The following CCDC172 variants were observed in gnomAD, a reference collection of about 807,000 sequenced individuals.
CCDC172 encodes coiled-coil domain containing 172, also known as coiled-coil domain-containing protein 172.
In CCDC172, 30 loss-of-function variants were observed where a neutral mutation model predicts 38.0. The observed-to-expected ratio is 0.79, with a 90% CI of 0.59 to 1.07. The LOEUF (loss-of-function observed/expected upper bound fraction) is 1.07. Ranked by LOEUF, CCDC172 falls within the 50% of genes least tolerant of loss-of-function variation. The probability of loss-of-function intolerance (pLI) is 0.00; values close to 1 mark genes in which losing one functional copy is unlikely to be tolerated. For synonymous variants in CCDC172, 78 were observed against 88.3 expected, an observed-to-expected ratio of 0.88 and a Z score of 0.66; for missense variants, 297 against 290.1, an observed-to-expected ratio of 1.02 and a Z score of -0.17.
intron 5 of CCDC172, 49 bp from the exon 6 acceptor site, chr10:116,357,331 A>C (rs1212278583): frequency 1.6e-6 from 2 of 1,257,570 alleles, no homozygotes; most frequent in East Asian, 2.7e-5. Flanking sequence ...TCCGGGGTTA[A>C]ATTTATTTCT....
At chr10:116,373,787 G>A (rs1448857039) in intron 7 of CCDC172, among the ~76,000 whole-genome samples, 1 of 152,184 alleles carries the variant, frequency 6.6e-6, no homozygotes, top group African/African-American at 2.4e-5. Context: ...TTACAGGCAT[G>A]AGCCACTGTG....
At chr10:116,358,539 C>A (rs1845028237) in intron 7 of CCDC172, among the ~76,000 whole-genome samples, 1 of 152,098 alleles carries the variant, frequency 6.6e-6, no homozygotes, top group African/African-American at 2.4e-5. Flanking sequence ...GAAGTTCCTG[C>A]ACTTTCTAGG....
intron 5 of CCDC172, among the ~76,000 whole-genome samples, chr10:116,346,287 G>A (rs1471891232): frequency 3.7e-5 from 4 of 109,522 alleles, no homozygotes; most frequent in East Asian, 2.7e-4. Flanking sequence ...GTGAGACTTC[G>A]TCTCAAAAAA....
intron 7 of CCDC172, among the ~76,000 whole-genome samples, chr10:116,358,330 G>A (rs559122307): frequency 6.6e-6 from 1 of 152,002 alleles, no homozygotes; most frequent in East Asian, 1.9e-4. Context: ...CTTGACATTT[G>A]TTACTCTGGT....
At position 116,361,141 on chromosome 10, in the gene CCDC172, C is replaced by T. The variant is rs529419039; in HGVS notation, c.653+3203C>T. 3.3e-5 allele frequency among the ~76,000 whole-genome samples: 5 copies of T among 151,240 alleles called. No individual in the cohort carries two copies. In the South Asian group the frequency reaches 8.4e-4, roughly 25 times the overall value. On this transcript the variant is annotated intron_variant, in intron 7 of 8. Transcript: ENST00000333254. ...AAGGGATTACAGGCATGCACCGCCACGCCTGACTAATTTTTGTATTTTTAG... is the reference window on the plus strand; with the variant it reads ...AAGGGATTACAGGCATGCACCGCCATGCCTGACTAATTTTTGTATTTTTAG...
intron 5 of CCDC172, among the ~76,000 whole-genome samples, chr10:116,350,705 C>T (rs151017141): frequency 2.9e-4 from 44 of 152,166 alleles, no homozygotes; most frequent in African/African-American, 9.9e-4. Flanking sequence ...TTGGCAATAT[C>T]CTTTAATGAT....
At chr10:116,343,539 AT>A (rs1844827022) in intron 5 of CCDC172, among the ~76,000 whole-genome samples, 1 of 143,026 alleles carries the variant, frequency 7.0e-6, no homozygotes. Flanking sequence ...TTTTAAAAAA[AT>A]ATATATAAAA....
In CCDC172 at chr10:116,333,651, A is replaced by G. The variant is rs149170536; in HGVS notation, c.166-7083A>G. Among the ~76,000 whole-genome samples, 27 of 152,316 alleles carry G rather than the reference A, an allele frequency of 1.8e-4. 1 individual carries two copies. The East Asian group carries it at 5.2e-3, about 29-fold the overall frequency. On this transcript the variant is annotated intron_variant, in intron 3 of 8. Coordinates refer to ENST00000333254, the MANE Select transcript of CCDC172 (RefSeq NM_198515.3). ...TTGCTCCCCAGGAAGAGTCTTTCAG[A>G]TTAAAACGTATCAGTACAAGATGTT... is the stretch of plus-strand genomic sequence containing the variant.
At chr10:116,339,121 C>A (rs1214499449) in intron 3 of CCDC172, among the ~76,000 whole-genome samples, 2 of 151,874 alleles carry the variant, frequency 1.3e-5, no homozygotes, top group Non-Finnish European at 2.9e-5. Context: ...TGTTTATTAA[C>A]CTTATATATT....
chr10:116,378,218 G>T (rs1045196810), intron 7 of CCDC172, among the ~76,000 whole-genome samples: 2 of 152,018 alleles, frequency 1.3e-5, no homozygotes, highest in Non-Finnish European at 2.9e-5. Flanking sequence ...ATGTCTACTA[G>T]TCAGTCTACC....
intron 5 of CCDC172, among the ~76,000 whole-genome samples, chr10:116,350,281 C>G (rs1361502528): frequency 6.6e-6 from 1 of 152,104 alleles, no homozygotes; most frequent in African/African-American, 2.4e-5. Flanking sequence ...AAACGGAAAC[C>G]TAGAAGACAG....
At chr10:116,355,702 A>G (rs1161400689) in intron 5 of CCDC172, among the ~76,000 whole-genome samples, 3 of 152,232 alleles carry the variant, frequency 2.0e-5, no homozygotes, top group Non-Finnish European at 4.4e-5. Context: ...ATGCTAAGTG[A>G]TAGAAGCCAG....
chr10:116,354,424 T>C (rs1789692566), intron 5 of CCDC172, among the ~76,000 whole-genome samples: 1 of 152,120 alleles, frequency 6.6e-6, no homozygotes, highest in Non-Finnish European at 1.5e-5. Flanking sequence ...ATTGTTATCA[T>C]AGAAGATGAC....
At chr10:116,370,752 C>T (rs1245331589) in intron 7 of CCDC172, among the ~76,000 whole-genome samples, 1 of 151,246 alleles carries the variant, frequency 6.6e-6, no homozygotes, top group Admixed American at 6.6e-5. Context: ...ATTTGCCTAG[C>T]ATCAAGGAAA....
chr10:116,333,543 T>C (rs1844692011), intron 3 of CCDC172, among the ~76,000 whole-genome samples: 1 of 152,220 alleles, frequency 6.6e-6, no homozygotes, highest in Non-Finnish European at 1.5e-5. Context: ...CTTTGTTTTG[T>C]ATCCTAAGAT....
chr10:116,325,394 G>T lies in CCDC172; in HGVS notation c.165+6G>T. 6.2e-7 allele frequency: 1 copy of T among 1,606,746 alleles called. No individual in the cohort carries two copies. The highest frequency in any genetic ancestry group is 8.5e-7 in the Non-Finnish European group (1 of 1,174,948). On this transcript the variant is annotated splice_donor_region_variant and intron_variant, in intron 3 of 8. Transcript: ENST00000333254. Reference sequence around the variant, plus strand: ...AAATCAAGCTGGAATCTAAGGTATTGAAATGTAAAGCATACTAATTATCAC... The same window carrying T: ...AAATCAAGCTGGAATCTAAGGTATTTAAATGTAAAGCATACTAATTATCAC...
At chr10:116,371,381 G>A (rs905473318) in intron 7 of CCDC172, among the ~76,000 whole-genome samples, 3 of 151,544 alleles carry the variant, frequency 2.0e-5, no homozygotes, top group Admixed American at 6.6e-5. Context: ...CATTAATTCC[G>A]GGAACAAATC....
chr10:116,347,694 C>CAG (rs1844883878), intron 5 of CCDC172, among the ~76,000 whole-genome samples: 1 of 151,982 alleles, frequency 6.6e-6, no homozygotes, highest in Non-Finnish European at 1.5e-5. Context: ...AATATCATCA[C>CAG]TATTATATAA....
At chr10:116,358,247 G>A (rs1424406849) in intron 7 of CCDC172, among the ~76,000 whole-genome samples, 1 of 152,002 alleles carries the variant, frequency 6.6e-6, no homozygotes, top group African/African-American at 2.4e-5. Context: ...CCTAACTTTT[G>A]GCGGGAAATG....
Sources: allele counts gnomAD v4.1 joint callset (sites outside exome capture counted in the v4.1 genomes callset), GRCh38; gene constraint gnomAD v4.1.1; transcripts MANE v1.5; gene names NCBI Gene and HGNC (gene_info 2026-07-23, HGNC 2026-07-21).